The following PARD3B variants were observed in gnomAD, a reference collection of about 807,000 sequenced individuals.
PARD3B encodes par-3 family cell polarity regulator beta, also known as partitioning defective 3 homolog B.
A neutral mutation model predicts 130.2 loss-of-function variants in PARD3B; 103 were observed. The ratio of observed to expected loss-of-function variants is 0.79; its 90% CI spans 0.67 to 0.93. PARD3B has a LOEUF of 0.93. Among genes scored for constraint, PARD3B ranks in the 40% least tolerant of loss-of-function variants. PARD3B has a pLI of 0.00. For missense variants in PARD3B, 1,609 were observed against 1,499.2 expected (o/e 1.07, Z -1.21); for synonymous variants, 583 against 553.2 (o/e 1.05, Z -0.76).
At position 205,187,239 on chromosome 2, in the gene PARD3B, T is replaced by C. The variant is rs779590169; in HGVS notation, c.2024+1376T>C. Reference sequence around the variant, plus strand: ...AGATGAGCCCAGGAAGAAAGGGCATTTCGGGAGGGAAGAGCAGCAGAAGAA... The same window carrying C: ...AGATGAGCCCAGGAAGAAAGGGCATCTCGGGAGGGAAGAGCAGCAGAAGAA... On this transcript the variant is annotated intron_variant, in intron 14 of 22. Coordinates refer to ENST00000406610, the MANE Select transcript of PARD3B (RefSeq NM_001302769.2). The surrounding 1 kb of genome is among the most constrained non-coding windows in gnomAD (Gnocchi z 4.9). Among the ~76,000 whole-genome samples, 38 of 152,050 alleles carry C rather than the reference T, an allele frequency of 2.5e-4. No homozygotes were observed. Among genetic ancestry groups the C allele is most frequent in the Non-Finnish European group, 4.3e-4 (29 of 68,002 alleles).
intron 16 of PARD3B, among the ~76,000 whole-genome samples, chr2:205,294,307 C>G (rs536741462): frequency 6.6e-6 from 1 of 151,620 alleles, no homozygotes; most frequent in South Asian, 2.1e-4. Flanking sequence ...TAAGTTGAAC[C>G]ATGGAGTATA....
Position 205,263,217 on chromosome 2 carries a change from T to C in PARD3B, c.2185+17395T>C, listed in dbSNP as rs1275306111. ...TTCTATTAGTTAATGGTTCTTTCTC[T>C]TCTGTCTTCAGATTTTCCCTCTTGA... On this transcript the variant is annotated intron_variant, in intron 16 of 22. Coordinates refer to ENST00000406610, the MANE Select transcript of PARD3B (RefSeq NM_001302769.2). This position sits in a 1 kb window ranked among gnomAD's most constrained non-coding sequence, Gnocchi z 4.0. Among the ~76,000 whole-genome samples the C allele has an allele frequency of 6.6e-6, 1 of 152,124 alleles. No homozygotes were observed. The highest frequency in any genetic ancestry group is 1.5e-5 in the Non-Finnish European group (1 of 68,002).
intron 4 of PARD3B, among the ~76,000 whole-genome samples, chr2:205,076,572 C>T (rs1229255130): frequency 1.3e-5 from 2 of 152,124 alleles, no homozygotes; most frequent in Non-Finnish European, 2.9e-5. Flanking sequence ...CTGTTAGGAG[C>T]CAGGCTGCAC....
At chr2:205,035,798 CAT>C (rs1167207296) in intron 3 of PARD3B, among the ~76,000 whole-genome samples, 5 of 18,894 alleles carry the variant, frequency 2.6e-4, no homozygotes, top group African/African-American at 6.6e-4. Context: ...AGATATATCT[CAT>C]ATATATATAT....
chr2:205,385,806 C>T (rs1026584400), intron 18 of PARD3B, among the ~76,000 whole-genome samples: 4 of 151,970 alleles, frequency 2.6e-5, no homozygotes, highest in Admixed American at 6.6e-5. Flanking sequence ...TGCATATATA[C>T]GTACATATAA....
chr2:205,180,499 T>C (rs1040655792), intron 13 of PARD3B, among the ~76,000 whole-genome samples: 4 of 152,116 alleles, frequency 2.6e-5, no homozygotes, highest in African/African-American at 9.7e-5. Context: ...ACCAGTTTTT[T>C]TAAGGATCTT....
chr2:204,789,496 A>G (rs982142340), intron 2 of PARD3B, among the ~76,000 whole-genome samples: 2 of 152,244 alleles, frequency 1.3e-5, no homozygotes, highest in African/African-American at 4.8e-5. Context: ...TTTAAAATCC[A>G]TCAGAAGTAG....
intron 2 of PARD3B, among the ~76,000 whole-genome samples, chr2:204,945,084 A>G (rs1004593504): frequency 5.9e-5 from 9 of 152,242 alleles, no homozygotes; most frequent in African/African-American, 2.2e-4. Context: ...GATTTAAGGT[A>G]GTGTTACAGT....
chr2:204,948,544 A>G (rs1340807001), intron 2 of PARD3B, among the ~76,000 whole-genome samples: 1 of 152,172 alleles, frequency 6.6e-6, no homozygotes, highest in Non-Finnish European at 1.5e-5. Flanking sequence ...AGTTCTGACC[A>G]CATTTAAAAC....
intron 2 of PARD3B, among the ~76,000 whole-genome samples, chr2:204,821,183 G>A (rs1170481482): frequency 6.6e-6 from 1 of 152,166 alleles, no homozygotes; most frequent in Non-Finnish European, 1.5e-5. Flanking sequence ...CCCACATGTT[G>A]TGGGAGGGAC....
At chr2:204,919,597 A>G (rs79324974) in intron 2 of PARD3B, among the ~76,000 whole-genome samples, 10,895 of 152,228 alleles carry the variant, frequency 0.072, 573 homozygotes, top group Admixed American at 0.12. Flanking sequence ...ATGCTGGGTG[A>G]TATTCCATTG....
chr2:205,452,908 C>T (rs888283155), intron 20 of PARD3B, among the ~76,000 whole-genome samples: 5 of 152,152 alleles, frequency 3.3e-5, no homozygotes, highest in African/African-American at 7.2e-5. Flanking sequence ...GAATGTTTGC[C>T]AAAGGGTTAC....
chr2:205,294,941 C>T (rs1004770517), intron 16 of PARD3B, among the ~76,000 whole-genome samples: 4 of 152,194 alleles, frequency 2.6e-5, no homozygotes, highest in African/African-American at 7.2e-5. Flanking sequence ...TAATTAGGCC[C>T]ATTATGAACA....
At chr2:204,648,030 G>A (rs889705890) in intron 1 of PARD3B, among the ~76,000 whole-genome samples, 3 of 151,440 alleles carry the variant, frequency 2.0e-5, no homozygotes, top group African/African-American at 4.8e-5. Flanking sequence ...AGGTGACTAC[G>A]CAATAGTAAG....
chr2:205,201,601 G>A (rs1001124991), intron 15 of PARD3B, among the ~76,000 whole-genome samples: 1 of 152,208 alleles, frequency 6.6e-6, no homozygotes. Flanking sequence ...CCTTTGGGGG[G>A]CCAAGGCGGG....
intron 16 of PARD3B, among the ~76,000 whole-genome samples, chr2:205,267,363 A>G (rs1244479085): frequency 7.0e-6 from 1 of 142,044 alleles, no homozygotes; most frequent in Admixed American, 6.9e-5. Flanking sequence ...AAACTTACAC[A>G]TGGGAAACAA....
chr2:204,790,713 T>G (rs143081904), intron 2 of PARD3B, among the ~76,000 whole-genome samples: 14 of 152,330 alleles, frequency 9.2e-5, no homozygotes, highest in Admixed American at 9.1e-4. Context: ...GCCTCTAGGT[T>G]GTTGTTTTTA....
intron 13 of PARD3B, among the ~76,000 whole-genome samples, chr2:205,184,465 C>T (rs6719270): frequency 3.3e-5 from 5 of 151,864 alleles, no homozygotes; most frequent in East Asian, 1.9e-4. Context: ...TAGTTTGGCC[C>T]GGCGCGGTGG....
At position 204,764,712 on chromosome 2, in the gene PARD3B, A is replaced by ATGTGTGTGTGTGTGTGTG. The variant is rs1387737555; in HGVS notation, c.222+78432_222+78433insTGTGTGTGTGTGTGTGTG. ...GACCAGCAGGCTGAATCTGGCATGCATGCGTGTGTGTGTGTGTGTGTGTGT... is the reference window on the plus strand; with the variant it reads ...GACCAGCAGGCTGAATCTGGCATGCATGTGTGTGTGTGTGTGTGTGCGTGTGTGTGTGTGTGTGTGTGT... On this transcript the variant is annotated intron_variant, in intron 2 of 22. Transcript: ENST00000406610. 2.1e-3 allele frequency among the ~76,000 whole-genome samples: 89 copies of ATGTGTGTGTGTGTGTGTG among 43,078 alleles called. 1 individual carries two copies. The highest frequency in any genetic ancestry group is 4.6e-3 in the African/African-American group (79 of 17,078). The allele number at this position is 43,078 out of a possible 152,430, so 28.3% of individuals were successfully genotyped here.
Sources: gnomAD v4.1 joint callset for allele counts (sites outside exome capture counted in the v4.1 genomes callset) on GRCh38, gnomAD v4.1.1 for gene constraint, Gnocchi (gnomAD v3.1) non-coding constraint, MANE v1.5 for transcripts, NCBI Gene and HGNC (gene_info 2026-07-23, HGNC 2026-07-21) for gene names.